The following POMT2 variants were observed in gnomAD, a reference collection of about 807,000 sequenced individuals.
POMT2 encodes protein O-mannosyl-transferase 2.
In POMT2, 75 loss-of-function variants were observed where a neutral mutation model predicts 100.0. The ratio of observed to expected loss-of-function variants is 0.75; its 90% confidence interval spans 0.62 to 0.91. The LOEUF (loss-of-function observed/expected upper bound fraction) is 0.91. POMT2 is among the 40% of genes least tolerant of loss of function. POMT2 has a pLI of 0.00. For missense variants in POMT2, 940 were observed against 955.1 expected (o/e 0.98, Z 0.21); for synonymous variants, 378 against 374.1 (o/e 1.01, Z -0.12).
At chr14:77,318,324 A>G (rs768368577) in intron 1 of POMT2, among the ~76,000 whole-genome samples, 1 of 152,192 alleles carries the variant, frequency 6.6e-6, no homozygotes, top group African/African-American at 2.4e-5. Context: ...GCAGGTCAGT[A>G]TAAAAAAGAA....
intron 15 of POMT2, 84 bp downstream of exon 15, chr14:77,283,713 G>C (rs1372994290): frequency 8.5e-7 from 1 of 1,176,938 alleles, no homozygotes; most frequent in Non-Finnish European, 1.3e-6. Flanking sequence ...GAATGGATCT[G>C]TAGCATGGCA....
At chr14:77,290,252 C>T (rs538182717) in intron 10 of POMT2, among the ~76,000 whole-genome samples, 2 of 152,296 alleles carry the variant, frequency 1.3e-5, no homozygotes, top group East Asian at 1.9e-4. Context: ...GACCACATGA[C>T]GGAAGTAAAA....
chr14:77,291,055 T>C (rs1338410640), intron 10 of POMT2, among the ~76,000 whole-genome samples: 1 of 144,138 alleles, frequency 6.9e-6, no homozygotes, highest in Non-Finnish European at 1.5e-5. Context: ...TGGGCTCCGC[T>C]ATCTGTCTTC....
intron 2 of POMT2, among the ~76,000 whole-genome samples, chr14:77,309,227 G>A (rs1281579643): frequency 6.6e-6 from 1 of 152,210 alleles, no homozygotes; most frequent in Non-Finnish European, 1.5e-5. Context: ...AGATGACCGT[G>A]GTTACCTCTG....
At chr14:77,317,260 T>C (rs935037654) in intron 1 of POMT2, among the ~76,000 whole-genome samples, 6 of 152,236 alleles carry the variant, frequency 3.9e-5, no homozygotes, top group African/African-American at 1.4e-4. Flanking sequence ...TAGGACTTTG[T>C]TCCCTTCTCT....
intron 20 of POMT2, chr14:77,278,171 G>A (rs1890047114): frequency 1.8e-6 from 1 of 565,872 alleles, no homozygotes; most frequent in Non-Finnish European, 3.2e-6. Context: ...ACCGGCAGAA[G>A]GGGAAAAGGC....
chr14:77,307,120 A>G (rs1352236623), intron 2 of POMT2, among the ~76,000 whole-genome samples: 1 of 152,232 alleles, frequency 6.6e-6, no homozygotes, highest in Non-Finnish European at 1.5e-5. Context: ...TGTCTTTTGT[A>G]TATTTCCTTG....
intron 12 of POMT2, among the ~76,000 whole-genome samples, chr14:77,286,524 G>A (rs1566648088): frequency 6.6e-6 from 1 of 152,336 alleles, no homozygotes; most frequent in East Asian, 1.9e-4. Flanking sequence ...TAAATGGCAT[G>A]GTTATTATGT....
chr14:77,302,813 T>TC, intron 5 of POMT2, 22 bp downstream of exon 5: 1 of 1,584,318 alleles, frequency 6.3e-7, no homozygotes, highest in Non-Finnish European at 8.7e-7. Context: ...AACCCTCCCC[T>TC]CCCGGGGATG....
Position 77,304,810 on chromosome 14 carries a change from G to A in POMT2, c.439-10C>T, listed in dbSNP as rs1454829283. On this transcript the variant is annotated splice_polypyrimidine_tract_variant and intron_variant, in intron 3 of 20. Coordinates refer to ENST00000261534, the MANE Select transcript of POMT2 (RefSeq NM_013382.7). ...CAAGGAATGCACAGAACTGTGGGAGGAATAGAGAAGCTGTCAAATAACAAG... is the reference window on the plus strand; with the variant it reads ...CAAGGAATGCACAGAACTGTGGGAGAAATAGAGAAGCTGTCAAATAACAAG... The A allele has an allele frequency of 1.3e-6, 2 of 1,575,436 alleles. No homozygotes were observed. The highest frequency in any genetic ancestry group is 1.9e-5 in the Admixed American group (1 of 53,020).
intron 10 of POMT2, among the ~76,000 whole-genome samples, chr14:77,290,680 G>A (rs1890605951): frequency 1.3e-5 from 2 of 152,228 alleles, no homozygotes; most frequent in Admixed American, 1.3e-4. Context: ...AAGAAAGGAA[G>A]ATCTGGCTCT....
intron 18 of POMT2, chr14:77,279,525 T>C (rs1353426624): frequency 5.5e-6 from 3 of 549,468 alleles, no homozygotes; most frequent in Non-Finnish European, 1.0e-5. Flanking sequence ...GAGCCTCAGC[T>C]CTATCACTTA....
At position 77,280,311 on chromosome 14, in the gene POMT2, C is replaced by T. The variant is rs951596958; in HGVS notation, c.1725+81G>A. On this transcript the variant is annotated intron_variant, in intron 16 of 20. Coordinates refer to ENST00000261534, the MANE Select transcript of POMT2 (RefSeq NM_013382.7). ...GGCCCCTCGCCCTGCCGCCCTAGTA[C>T]ACCCACCCCCGCCTCCACCGGTCTC... The T allele has an allele frequency of 5.8e-5, 93 of 1,599,998 alleles. No homozygotes were observed. In the African/African-American group the frequency reaches 1.1e-3, roughly 19 times the overall value.
At chr14:77,299,828 C>G (rs1331683458) in intron 6 of POMT2, 1 of 425,114 alleles carries the variant, frequency 2.4e-6, no homozygotes, top group Non-Finnish European at 4.4e-6. Flanking sequence ...AAGGACAAGG[C>G]ACCTGCATCT....
intron 6 of POMT2, chr14:77,300,213 G>A (rs907038611): frequency 1.9e-5 from 3 of 160,366 alleles, no homozygotes; most frequent in Non-Finnish European, 2.8e-5. Flanking sequence ...TTAGGAGCTG[G>A]TTTGGAGGTG....
chr14:77,299,392 C>T, intron 7 of POMT2, 63 bp downstream of exon 7: 1 of 1,452,782 alleles, frequency 6.9e-7, no homozygotes, highest in Non-Finnish European at 9.7e-7. Flanking sequence ...CATCCGACCC[C>T]TCCACAGGCT....
chr14:77,320,768 C>G lies in POMT2; in HGVS notation c.-87G>C. On this transcript the variant is annotated 5_prime_UTR_variant, in exon 1 of 21. Transcript: ENST00000261534. ...GCCAAGGAGTCACAAGAGGGCAGCTCGGGGTACCCCGGGAAATGCAACGCC... is the reference window on the plus strand; with the variant it reads ...GCCAAGGAGTCACAAGAGGGCAGCTGGGGGTACCCCGGGAAATGCAACGCC... 6.6e-7 allele frequency: 1 copy of G among 1,507,236 alleles called. No individual in the cohort carries two copies. The highest frequency in any genetic ancestry group is 1.3e-5 in the South Asian group (1 of 79,018). 93.4% of individuals were successfully genotyped at this position (1,507,236 alleles called of 1,614,324 possible). A position where few individuals can be genotyped will look rare whatever the true frequency, so the allele number is the denominator to read the frequency against.
chr14:77,296,788 C>A (rs1890848665), intron 8 of POMT2, among the ~76,000 whole-genome samples: 1 of 152,214 alleles, frequency 6.6e-6, no homozygotes, highest in Admixed American at 6.5e-5. Context: ...AAGAGCATCC[C>A]CTGCTCCTAT....
chr14:77,278,858 C>T lies in POMT2; in HGVS notation c.1903G>A (p.Val635Ile), dbSNP rs142299878. The change falls in exon 19 of 21, where the codon GTC becomes ATC. Residue 635 changes from valine to isoleucine, a missense_variant. Transcript: ENST00000261534. Reference protein sequence around the residue: ...LPAEVAGLSQVLLRGGGQVLL... With the variant: ...LPAEVAGLSQILLRGGGQVLL... ...ACCTGGCCGCCTCCTCGAAGCAGGA[C>T]CTGGGACAACCCTGGGCCCAAGCAG... is the stretch of plus-strand genomic sequence containing the variant. The T allele has an allele frequency of 9.8e-4, 1,581 of 1,613,240 alleles. 2 individuals are homozygous for T. The highest frequency in any genetic ancestry group is 1.2e-3 in the Non-Finnish European group (1,428 of 1,179,780).
Sources: gnomAD v4.1 joint callset for allele counts (sites outside exome capture counted in the v4.1 genomes callset) on GRCh38, gnomAD v4.1.1 for gene constraint, MANE v1.5 for transcripts, NCBI Gene and HGNC (gene_info 2026-07-23, HGNC 2026-07-21) for gene names.